The following SLC22A14 variants were observed in gnomAD, a reference collection of about 807,000 sequenced individuals.
SLC22A14 encodes organic cation transporter-like 4.
A neutral mutation model predicts 53.9 loss-of-function variants in SLC22A14; 50 were observed. That is an observed-to-expected ratio of 0.93 (90% confidence interval 0.74 to 1.17). The LOEUF (loss-of-function observed/expected upper bound fraction) is 1.17, where lower values mean the gene tolerates loss of function less well. Among genes scored for constraint, SLC22A14 ranks in the 50% most tolerant of loss-of-function variants. The pLI is 0.00. For synonymous variants in SLC22A14, 312 were observed against 303.0 expected (o/e 1.03, Z -0.31); for missense variants, 671 against 734.7 (o/e 0.91, Z 1.00).
At chr3:38,294,187 G>T (rs867513193) in intron 1 of SLC22A14, among the ~76,000 whole-genome samples, 2 of 151,412 alleles carry the variant, frequency 1.3e-5, no homozygotes, top group African/African-American at 4.9e-5. Context: ...GTTGAAGGGG[G>T]GTTCTTATTA....
chr3:38,313,631 C>A (rs1364433935), intron 7 of SLC22A14, 96 bp from the exon 8 acceptor site: 2 of 948,948 alleles, frequency 2.1e-6, no homozygotes, highest in South Asian at 1.4e-5. Context: ...CTCCTCCGTT[C>A]CTACCCTGAC....
chr3:38,306,516 G>T lies in SLC22A14; in HGVS notation c.490G>T (p.Ala164Ser), dbSNP rs774322699. The T allele has an allele frequency of 1.9e-6, 3 of 1,613,788 alleles. No individual in the cohort carries two copies. The highest frequency in any genetic ancestry group is 4.5e-5 in the East Asian group (2 of 44,884). The change falls in exon 2 of 11, where the codon GCT (alanine) becomes TCT (serine). Residue 164 changes from alanine to serine, a missense_variant. Ala to Ser is a moderately conservative substitution (Grantham distance 99, BLOSUM62 1). Transcript: ENST00000448498. ...CCAAGATGGGTGGATCTATCCTGAC[G>T]CTAAGAAGCGATCGCTGATCAATGA... ...TCQDGWIYPD[A>S]KKRSLINEFD...
rs752026810 is a variant in SLC22A14, at chr3:38,307,686, A to G, written c.741A>G (p.Ser247=). The G allele has an allele frequency of 1.2e-6, 2 of 1,614,182 alleles. No homozygotes were observed. The highest frequency in any genetic ancestry group is 2.2e-5 in the South Asian group (2 of 91,088). The change falls in exon 4 of 11, where the codon TCA becomes TCG. Residue 247 remains serine, a synonymous_variant. Transcript: ENST00000448498. This position sits in a 1 kb window ranked among gnomAD's most constrained non-coding sequence, Gnocchi z 4.4. ...TCTTTCGCTTTGGCATCTCGCAGTCAGTGGTGGGCTACGCCATCAGCAGCA... is the reference window on the plus strand; with the variant it reads ...TCTTTCGCTTTGGCATCTCGCAGTCGGTGGTGGGCTACGCCATCAGCAGCA... ...YLFFRFGISQ[S]VVGYAISSIS... is the part of the protein sequence containing the mutation.
chr3:38,316,438 C>T lies in SLC22A14; in HGVS notation c.1647C>T (p.Ala549=), dbSNP rs758628526. The T allele has an allele frequency of 5.6e-6, 9 of 1,614,012 alleles. No homozygotes were observed. The highest frequency in any genetic ancestry group is 1.3e-5 in the African/African-American group (1 of 74,926). ...LLPIFLCCVL[A]IVAFSLSSLL... ...CCATCTTTCTCTGCTGCGTCTTAGC[C>T]ATCGTGGCCTTTTCCCTCTCCTCCC... is the stretch of plus-strand genomic sequence containing the variant. Residue 549 remains alanine (A), a synonymous_variant, in exon 10 of 11, where the codon GCC becomes GCT. Transcript: ENST00000448498.
chr3:38,296,156 C>T (rs769428431), intron 1 of SLC22A14, among the ~76,000 whole-genome samples: 6 of 152,212 alleles, frequency 3.9e-5, no homozygotes, highest in African/African-American at 7.2e-5. Context: ...AGGTATGAGT[C>T]AGAAGGAAAG....
Position 38,318,300 on chromosome 3 carries a change from C to T in SLC22A14, c.*51C>T. ...AATGCCCAGATCCTGAGATTGGACC[C>T]ATACCCTGTCTCCAACCCTGCCTTG... On this transcript the variant is annotated 3_prime_UTR_variant, in exon 11 of 11. Transcript: ENST00000448498. 1.4e-5 allele frequency: 21 copies of T among 1,505,958 alleles called. No individual in the cohort carries two copies. The highest frequency in any genetic ancestry group is 1.8e-5 in the Non-Finnish European group (20 of 1,081,154). The allele number at this position is 1,505,958 out of a possible 1,614,324, so 93.3% of individuals were successfully genotyped here.
chr3:38,294,320 A>T (rs1384296893), intron 1 of SLC22A14, among the ~76,000 whole-genome samples: 1 of 152,094 alleles, frequency 6.6e-6, no homozygotes, highest in Admixed American at 6.6e-5. Flanking sequence ...AAGTTGGTAC[A>T]TGTGGCACTT....
rs1704347415 is a variant in SLC22A14, at chr3:38,307,689, G to T, written c.744G>T (p.Val248=). The change falls in exon 4 of 11, where the codon GTG becomes GTT. Residue 248 remains valine, a synonymous_variant. Coordinates refer to ENST00000448498, the MANE Select transcript of SLC22A14 (RefSeq NM_001320033.2). The surrounding 1 kb of genome is among the most constrained non-coding windows in gnomAD (Gnocchi z 4.4). Reference sequence around the variant, plus strand: ...TTCGCTTTGGCATCTCGCAGTCAGTGGTGGGCTACGCCATCAGCAGCATTT... The same window carrying T: ...TTCGCTTTGGCATCTCGCAGTCAGTTGTGGGCTACGCCATCAGCAGCATTT... ...LFFRFGISQS[V]VGYAISSISL... 6.2e-7 allele frequency: 1 copy of T among 1,614,070 alleles called. No homozygotes were observed. The highest frequency in any genetic ancestry group is 1.7e-5 in the Admixed American group (1 of 60,010).
chr3:38,308,902 G>A, intron 4 of SLC22A14, 52 bp from the exon 5 acceptor site: 3 of 1,568,888 alleles, frequency 1.9e-6, no homozygotes, highest in South Asian at 2.3e-5. Flanking sequence ...TGCAAGGGCA[G>A]CCCTGGGGAC....
At chr3:38,316,301 G>A in intron 9 of SLC22A14, 23 bp from the exon 10 acceptor site, 1 of 1,612,726 alleles carries the variant, frequency 6.2e-7, no homozygotes, top group Non-Finnish European at 8.5e-7. Context: ...ACCCCTCACA[G>A]GAGCTCTCAC....
chr3:38,305,598 C>T (rs1704279256), intron 1 of SLC22A14: 1 of 175,160 alleles, frequency 5.7e-6, no homozygotes, highest in Non-Finnish European at 1.2e-5. Flanking sequence ...AGCCTCCCAC[C>T]TTGGGCCCAC....
At chr3:38,286,856 C>T (rs1407846726) in intron 1 of SLC22A14, among the ~76,000 whole-genome samples, 4 of 151,960 alleles carry the variant, frequency 2.6e-5, no homozygotes, top group Non-Finnish European at 5.9e-5. Context: ...CACAGCCTCC[C>T]GAGTAGCTGG....
chr3:38,288,558 G>A (rs189504035), intron 1 of SLC22A14, among the ~76,000 whole-genome samples: 6 of 152,180 alleles, frequency 3.9e-5, no homozygotes, highest in African/African-American at 9.6e-5. Context: ...AAAAGGGTTC[G>A]AATTTCTCCA....
At chr3:38,311,152 G>A (rs914129802) in intron 5 of SLC22A14, among the ~76,000 whole-genome samples, 2 of 152,178 alleles carry the variant, frequency 1.3e-5, no homozygotes, top group African/African-American at 4.8e-5. Flanking sequence ...GAGGAGGAGA[G>A]ATTCAAGACC....
chr3:38,309,231 G>A, intron 5 of SLC22A14, 109 bp downstream of exon 5: 1 of 962,092 alleles, frequency 1.0e-6, no homozygotes, highest in Non-Finnish European at 1.6e-6. Context: ...TCCCCTGGGA[G>A]AAAGTGCATG....
chr3:38,308,300 G>C (rs1704373078), intron 4 of SLC22A14: 2 of 166,844 alleles, frequency 1.2e-5, no homozygotes, highest in South Asian at 3.1e-4. Flanking sequence ...GGCAGCTGCT[G>C]AGCCCTTTAT....
chr3:38,313,591 C>T, intron 7 of SLC22A14, 106 bp downstream of exon 7: 1 of 974,926 alleles, frequency 1.0e-6, no homozygotes, highest in Non-Finnish European at 1.6e-6. Flanking sequence ...AGCCCAAGGA[C>T]ACAGATCACA....
chr3:38,290,493 G>A (rs1703889257), intron 1 of SLC22A14, among the ~76,000 whole-genome samples: 1 of 152,188 alleles, frequency 6.6e-6, no homozygotes, highest in African/African-American at 2.4e-5. Flanking sequence ...GGCCTGCAGT[G>A]TAGGGGATTA....
In SLC22A14 at chr3:38,313,941, G is replaced by A. The variant is rs1704557159; in HGVS notation, c.1378G>A (p.Gly460Arg). Reference sequence around the variant, plus strand: ...CTTGCTTCTCCTTTTCCTCCCTGAAGGTACAGCTCATCCTTCCCCTGTGGC... The same window carrying A: ...CTTGCTTCTCCTTTTCCTCCCTGAAAGTACAGCTCATCCTTCCCCTGTGGC... ...WCLLLLFLPE[G>R]EDGLRLKWPR... is the part of the protein sequence containing the mutation. The change falls in exon 8 of 11, where the codon GGG becomes AGG. Residue 460 changes from glycine to arginine, a missense_variant and splice_region_variant. Gly to Arg is a moderately radical substitution (Grantham distance 125). Coordinates refer to ENST00000448498, the MANE Select transcript of SLC22A14 (RefSeq NM_001320033.2). The A allele has an allele frequency of 6.2e-7, 1 of 1,612,890 alleles. No homozygotes were observed. Among genetic ancestry groups the A allele is most frequent in the African/African-American group, 1.3e-5 (1 of 74,960 alleles).
Sources: gnomAD v4.1 joint callset for allele counts (sites outside exome capture counted in the v4.1 genomes callset) on GRCh38, gnomAD v4.1.1 for gene constraint, Gnocchi (gnomAD v3.1) non-coding constraint, MANE v1.5 for transcripts, NCBI Gene and HGNC (gene_info 2026-07-23, HGNC 2026-07-21) for gene names.